The following SPARCL1 variants were observed in gnomAD, a reference collection of about 807,000 sequenced individuals.
SPARCL1 encodes the protein SPARC like 1, also known as SPARC-like protein 1.
A neutral mutation model predicts 67.1 loss-of-function variants in SPARCL1; 52 were observed. The observed-to-expected ratio is 0.78, with a 90% CI of 0.62 to 0.98. SPARCL1 has a LOEUF of 0.98. Ranked by LOEUF, SPARCL1 falls within the 50% of genes least tolerant of loss-of-function variation. The pLI is 0.00. For missense variants in SPARCL1, 717 were observed against 782.4 expected (o/e 0.92, Z 1.00); for synonymous variants, 226 against 267.8 (o/e 0.84, Z 1.52).
chr4:87,490,786 A>G lies in SPARCL1; in HGVS notation c.1384T>C (p.Cys462Arg). ...TGATCAAGGGGTTTTGTTGGAGGACAAGTCACTGGATCCTGGCAGACACAG... is the reference window on the plus strand; with the variant it reads ...TGATCAAGGGGTTTTGTTGGAGGACGAGTCACTGGATCCTGGCAGACACAG... ...PHCVCQDPVT[C>R]PPTKPLDQVC... Residue 462 changes from cysteine (C) to arginine (R), a missense_variant, in exon 6 of 11, where the codon TGT (cysteine) becomes CGT (arginine). Physicochemically the swap from Cys to Arg is radical, Grantham distance 180 (BLOSUM62 -3). Transcript: ENST00000282470. The G allele has an allele frequency of 6.2e-7, 1 of 1,611,938 alleles. No homozygotes were observed. Among genetic ancestry groups the G allele is most frequent in the Non-Finnish European group, 8.5e-7 (1 of 1,178,670 alleles).
chr4:87,493,529 G>C, intron 4 of SPARCL1, 53 bp downstream of exon 4: 6 of 1,508,488 alleles, frequency 4.0e-6, no homozygotes, highest in Non-Finnish European at 4.5e-6. Flanking sequence ...GGTCATGACT[G>C]TTTATTGATA....
chr4:87,504,087 C>G (rs62319123), intron 1 of SPARCL1, among the ~76,000 whole-genome samples: 42,321 of 147,042 alleles, frequency 0.29, 6,661 homozygotes, highest in East Asian at 0.6. Flanking sequence ...AGGGAACAGT[C>G]AGTTGGAAGA....
At chr4:87,476,583 T>G (rs146287518) in intron 10 of SPARCL1, among the ~76,000 whole-genome samples, 20 of 152,324 alleles carry the variant, frequency 1.3e-4, no homozygotes, top group African/African-American at 4.6e-4. Context: ...TAGGGGAACT[T>G]GCGTCATCTG....
chr4:87,508,282 G>C (rs1725191821), intron 1 of SPARCL1, among the ~76,000 whole-genome samples: 1 of 151,410 alleles, frequency 6.6e-6, no homozygotes, highest in Admixed American at 6.6e-5. Flanking sequence ...GCGTGATTTT[G>C]ACCTCCTGGG....
intron 2 of SPARCL1, among the ~76,000 whole-genome samples, chr4:87,496,047 C>T (rs1724606505): frequency 1.3e-5 from 2 of 152,070 alleles, no homozygotes; most frequent in Non-Finnish European, 2.9e-5. Context: ...CTATTTCTAG[C>T]AAGATTGGAG....
At chr4:87,474,739 C>CTTT (rs1723494801) in intron 10 of SPARCL1, among the ~76,000 whole-genome samples, 2 of 71,302 alleles carry the variant, frequency 2.8e-5, no homozygotes, top group Non-Finnish European at 3.2e-5. Context: ...ATTTCTCTCT[C>CTTT]TCTCTTTTTT....
intron 8 of SPARCL1, among the ~76,000 whole-genome samples, chr4:87,481,105 ACT>A (rs1417547116): frequency 6.6e-6 from 1 of 151,426 alleles, no homozygotes; most frequent in Non-Finnish European, 1.5e-5. Flanking sequence ...TGCCTGTGAA[ACT>A]CTCAGCTTGT....
intron 10 of SPARCL1, among the ~76,000 whole-genome samples, chr4:87,474,974 A>C (rs925726068): frequency 1.5e-4 from 22 of 149,648 alleles, no homozygotes; most frequent in Admixed American, 6.6e-4. Flanking sequence ...GATCTCTTGA[A>C]CTCGTGATCC....
chr4:87,493,312 T>C (rs916327917), intron 4 of SPARCL1, among the ~76,000 whole-genome samples: 1 of 152,226 alleles, frequency 6.6e-6, no homozygotes, highest in Admixed American at 6.5e-5. Flanking sequence ...CTTCCTTTCC[T>C]TCTTGTGTTA....
At chr4:87,479,295 A>G (rs774093648) in intron 10 of SPARCL1, 135 bp downstream of exon 10, 39 of 861,550 alleles carry the variant, frequency 4.5e-5, no homozygotes, top group Non-Finnish European at 7.0e-5. Context: ...AGGGAGTCCT[A>G]TCTGGGAAGC....
intron 2 of SPARCL1, among the ~76,000 whole-genome samples, chr4:87,498,405 C>T (rs949990109): frequency 2.6e-5 from 4 of 151,966 alleles, no homozygotes; most frequent in African/African-American, 4.8e-5. Context: ...AGGAAAGGGA[C>T]GATTGAGAAA....
At chr4:87,511,953 T>C (rs1725376375) in intron 1 of SPARCL1, among the ~76,000 whole-genome samples, 1 of 133,478 alleles carries the variant, frequency 7.5e-6, no homozygotes, top group Non-Finnish European at 1.6e-5. Context: ...TCCTTTCCTT[T>C]CCTCTTTCTT....
rs142212264 is a variant in SPARCL1 at position 87,489,773 on chromosome 4, G to A, written c.1531+500C>T. Among the ~76,000 whole-genome samples the A allele has an allele frequency of 1.3e-4, 20 of 152,288 alleles. No homozygotes were observed. The East Asian group carries it at 3.3e-3, about 25-fold the overall frequency. On this transcript the variant is annotated intron_variant, in intron 7 of 10. Coordinates refer to ENST00000282470, the MANE Select transcript of SPARCL1 (RefSeq NM_004684.6). ...CTGTGTCTGGAAGGGGAGGAGACCCGGAAACATTAGTGAGCACTGCTAATG... is the reference window on the plus strand; with the variant it reads ...CTGTGTCTGGAAGGGGAGGAGACCCAGAAACATTAGTGAGCACTGCTAATG...
At chr4:87,519,370 C>A (rs954851629) in intron 1 of SPARCL1, among the ~76,000 whole-genome samples, 2 of 152,176 alleles carry the variant, frequency 1.3e-5, no homozygotes, top group Admixed American at 1.3e-4. Flanking sequence ...TTGTGTCCGG[C>A]CTGGGTCCCT....
Position 87,495,003 on chromosome 4 carries a change from G to A in SPARCL1, c.179C>T (p.Thr60Ile). Residue 60 changes from threonine (T) to isoleucine (I), a missense_variant, in exon 3 of 11, where the codon ACA (threonine) becomes ATA (isoleucine). By Grantham distance (89) the Thr-to-Ile change is moderately conservative. Coordinates refer to ENST00000282470, the MANE Select transcript of SPARCL1 (RefSeq NM_004684.6). ...EENEKETAVSTEDDSHHKAEK... is the reference protein window; with the variant it reads ...EENEKETAVSIEDDSHHKAEK... ...TACCTTATGGTGGGAATCGTCTTCT[G>A]TGGATACTGCTGTTTCTTTTTCATT... 6.2e-7 allele frequency: 1 copy of A among 1,610,508 alleles called. No homozygotes were observed. Among genetic ancestry groups the A allele is most frequent in the Non-Finnish European group, 8.5e-7 (1 of 1,179,070 alleles).
intron 4 of SPARCL1, among the ~76,000 whole-genome samples, chr4:87,492,895 A>G (rs1379551135): frequency 6.6e-6 from 1 of 152,222 alleles, no homozygotes; most frequent in Non-Finnish European, 1.5e-5. Flanking sequence ...TGTTTGCTTA[A>G]TAAAGTAGGA....
chr4:87,488,886 T>A (rs2110222213), intron 7 of SPARCL1, among the ~76,000 whole-genome samples: 1 of 152,180 alleles, frequency 6.6e-6, no homozygotes, highest in Admixed American at 6.5e-5. Flanking sequence ...TTGTTTACAC[T>A]GTGAAGGGAA....
intron 1 of SPARCL1, among the ~76,000 whole-genome samples, chr4:87,501,978 T>C (rs891373582): frequency 1.3e-5 from 2 of 151,956 alleles, no homozygotes; most frequent in Non-Finnish European, 1.5e-5. Flanking sequence ...GATTTTTTTT[T>C]TTTTCCTGGA....
intron 3 of SPARCL1, 46 bp from the exon 4 acceptor site, chr4:87,494,644 C>A: frequency 7.1e-7 from 1 of 1,416,312 alleles, no homozygotes; most frequent in Non-Finnish European, 9.5e-7. Context: ...GATAATGTAA[C>A]CATATTTATG....
Sources: allele counts gnomAD v4.1 joint callset (sites outside exome capture counted in the v4.1 genomes callset), GRCh38; gene constraint gnomAD v4.1.1; transcripts MANE v1.5; gene names NCBI Gene and HGNC (gene_info 2026-07-23, HGNC 2026-07-21).